The following APBB1 variants were observed in gnomAD, a reference collection of about 807,000 sequenced individuals.
APBB1 encodes amyloid beta precursor protein binding family B member 1.
APBB1 carries 22 observed loss-of-function variants against 78.4 expected under a neutral mutation model. That is an observed-to-expected ratio of 0.28 (90% CI 0.20 to 0.40). APBB1 has a LOEUF of 0.40. Among genes scored for constraint, APBB1 ranks in the 10% least tolerant of loss-of-function variants. The probability of loss-of-function intolerance (pLI) is 1.00; values close to 1 mark genes in which losing one functional copy is unlikely to be tolerated. For synonymous variants in APBB1, 369 were observed against 372.7 expected, an observed-to-expected ratio of 0.99 and a Z score of 0.12; for missense variants, 749 against 932.4, an observed-to-expected ratio of 0.80 and a Z score of 2.56.
chr11:6,405,760 A>T (rs1313099139), intron 2 of APBB1: 13 of 837,470 alleles, frequency 1.6e-5, no homozygotes, highest in African/African-American at 1.8e-5. Flanking sequence ...CCCCTAACTC[A>T]CACTCTATGG....
chr11:6,403,600 C>G lies in APBB1; in HGVS notation c.897+47G>C. ...TGTCCTATCCTACTCCAGCAGCACA[C>G]ACTCCCTCCACCCCTGGCCCAAAAT... On this transcript the variant is annotated intron_variant, in intron 3 of 14. Transcript: ENST00000609360. The surrounding 1 kb of genome is among the most constrained non-coding windows in gnomAD (Gnocchi z 5.3). The G allele has an allele frequency of 2.5e-6, 4 of 1,613,778 alleles. No homozygotes were observed. The highest frequency in any genetic ancestry group is 3.4e-6 in the Non-Finnish European group (4 of 1,179,724).
Position 6,401,434 on chromosome 11 carries a change from G to C in APBB1, c.1504-5C>G, listed in dbSNP as rs773189805. 1 of 1,613,418 alleles carries C rather than the reference G, an allele frequency of 6.2e-7. No individual in the cohort carries two copies. The highest frequency in any genetic ancestry group is 1.1e-5 in the South Asian group (1 of 91,076). On this transcript the variant is annotated splice_polypyrimidine_tract_variant and splice_region_variant and intron_variant, in intron 10 of 14. Transcript: ENST00000609360. The surrounding 1 kb of genome is among the most constrained non-coding windows in gnomAD (Gnocchi z 4.5). ...ATTACGCCGTTCGGCCATGATCTGA[G>C]GAAGGAAGGGAGGCGAGGAGCCAGG...
At chr11:6,418,649 G>C (rs1424235749) in intron 1 of APBB1, among the ~76,000 whole-genome samples, 1 of 151,956 alleles carries the variant, frequency 6.6e-6, no homozygotes, top group Admixed American at 6.5e-5. Context: ...CGGCCTGCCA[G>C]CCCACCCCAC....
chr11:6,395,463 C>T lies in APBB1; in HGVS notation c.*71G>A, dbSNP rs1848156778. 4 of 1,454,944 alleles carry T rather than the reference C, an allele frequency of 2.7e-6. No homozygotes were observed. The African/African-American group carries it at 4.2e-5, about 15-fold the overall frequency. 90.1% of individuals were successfully genotyped at this position (1,454,944 alleles called of 1,614,324 possible). The stretch of plus-strand genomic sequence containing the variant: ...TGAGGCCTAGGAATAGCCTCTAGAC[C>T]CCTCCCTGACCCACACCCTTTAGTT... On this transcript the variant is annotated 3_prime_UTR_variant, in exon 15 of 15. Transcript: ENST00000609360. This position sits in a 1 kb window ranked among gnomAD's most constrained non-coding sequence, Gnocchi z 5.2.
chr11:6,410,081 CAA>C (rs34079231), intron 2 of APBB1, among the ~76,000 whole-genome samples: 5 of 102,914 alleles, frequency 4.9e-5, no homozygotes, highest in Non-Finnish European at 2.1e-5. Context: ...GACTCTGTCT[CAA>C]AAAAAAAAAA....
intron 2 of APBB1, among the ~76,000 whole-genome samples, chr11:6,408,026 G>A (rs531287144): frequency 3.0e-4 from 45 of 152,192 alleles, no homozygotes; most frequent in Middle Eastern, 6.8e-3. Flanking sequence ...TGATCCACCC[G>A]CCTCGGCCTC....
intron 1 of APBB1, among the ~76,000 whole-genome samples, chr11:6,418,780 G>A (rs1268108055): frequency 3.9e-5 from 6 of 152,212 alleles, no homozygotes; most frequent in Admixed American, 2.6e-4. Flanking sequence ...CAGCGGAAGG[G>A]ACGGTGTGAG....
At position 6,402,645 on chromosome 11, in the gene APBB1, G is replaced by A; in HGVS notation, c.1185C>T (p.Asn395=). The change falls in exon 7 of 15, where the codon AAC becomes AAT. Residue 395 remains asparagine, a synonymous_variant. Coordinates refer to ENST00000609360, the MANE Select transcript of APBB1 (RefSeq NM_001164.5). ...LAPGRSSVAV[N]NCIRQLSYHK... ...GGTAAGAGAGCTGACGGATGCAATT[G>A]TTGACTGCCACACTGCTGCGTCCAG... 1 of 1,614,162 alleles carries A rather than the reference G, an allele frequency of 6.2e-7. No individual in the cohort carries two copies. The highest frequency in any genetic ancestry group is 8.5e-7 in the Non-Finnish European group (1 of 1,180,040).
chr11:6,417,372 C>T (rs916189963), intron 1 of APBB1, among the ~76,000 whole-genome samples: 5 of 152,174 alleles, frequency 3.3e-5, no homozygotes, highest in African/African-American at 7.2e-5. Context: ...GTTCTCAAGG[C>T]ACCATACAGC....
At chr11:6,407,341 T>TC (rs985573897) in intron 2 of APBB1, among the ~76,000 whole-genome samples, 4 of 152,034 alleles carry the variant, frequency 2.6e-5, no homozygotes, top group Non-Finnish European at 5.9e-5. Flanking sequence ...AGCAGTACTA[T>TC]CCCCCTACTC....
rs922317370 is a variant in APBB1 at position 6,401,969 on chromosome 11, C to A, written c.1388+8G>T. ...CCAGGTGTAGGAGGGGGAAAATAGG[C>A]ATAGTACCTCTCTCTGGGTCCAGCA... On this transcript the variant is annotated splice_region_variant and intron_variant, in intron 9 of 14. Coordinates refer to ENST00000609360, the MANE Select transcript of APBB1 (RefSeq NM_001164.5). The surrounding 1 kb of genome is among the most constrained non-coding windows in gnomAD (Gnocchi z 4.5). 2 of 1,561,972 alleles carry A rather than the reference C, an allele frequency of 1.3e-6. No individual in the cohort carries two copies.
chr11:6,405,258 C>T, intron 2 of APBB1: 1 of 1,005,440 alleles, frequency 9.9e-7, no homozygotes. Context: ...GTTTCAAGGC[C>T]TTCAGGGATC....
chr11:6,401,532 A>T lies in APBB1; in HGVS notation c.1503+42T>A, dbSNP rs771145873. 2 of 1,614,006 alleles carry T rather than the reference A, an allele frequency of 1.2e-6. No individual in the cohort carries two copies. The highest frequency in any genetic ancestry group is 2.7e-5 in the African/African-American group (2 of 75,038). On this transcript the variant is annotated intron_variant, in intron 10 of 14. Transcript: ENST00000609360. This position sits in a 1 kb window ranked among gnomAD's most constrained non-coding sequence, Gnocchi z 4.5. ...AGTGACCCCACCCACACCCTTGTAG[A>T]GCAAAGGTGGCAACTAGTCCAGGGA... is the stretch of plus-strand genomic sequence containing the variant.
Position 6,403,887 on chromosome 11 carries a change from C to G in APBB1, c.722-65G>C. The G allele has an allele frequency of 6.7e-7, 1 of 1,496,708 alleles. No homozygotes were observed. The allele number at this position is 1,496,708 out of a possible 1,614,324, so 92.7% of individuals were successfully genotyped here. ...AGAGCAGACAGCTGGTGCCTATGCC[C>G]GGTCCCCTCTGAGACCCCATGGTTG... On this transcript the variant is annotated intron_variant, in intron 2 of 14. Transcript: ENST00000609360. The surrounding 1 kb of genome is among the most constrained non-coding windows in gnomAD (Gnocchi z 5.3).
chr11:6,416,333 C>T (rs1246946401), intron 1 of APBB1, among the ~76,000 whole-genome samples: 1 of 152,190 alleles, frequency 6.6e-6, no homozygotes, highest in African/African-American at 2.4e-5. Flanking sequence ...CTTCCTCTTT[C>T]TCATCCTATA....
At chr11:6,412,653 T>A (rs1215406960) in intron 1 of APBB1, among the ~76,000 whole-genome samples, 2 of 152,234 alleles carry the variant, frequency 1.3e-5, no homozygotes, top group African/African-American at 4.8e-5. Context: ...ATTTCCATGT[T>A]GGTGAGGATT....
Position 6,400,873 on chromosome 11 carries a change from G to A in APBB1, c.1672+116C>T, listed in dbSNP as rs561590368. 3.3e-5 allele frequency: 32 copies of A among 960,656 alleles called. 1 individual carries two copies. The South Asian group carries it at 4.2e-4, about 12-fold the overall frequency. The allele number at this position is 960,656 out of a possible 1,614,324, so 59.5% of individuals were successfully genotyped here. A position where few individuals can be genotyped will look rare whatever the true frequency, so the allele number is the denominator to read the frequency against. On this transcript the variant is annotated intron_variant, in intron 12 of 14. Coordinates refer to ENST00000609360, the MANE Select transcript of APBB1 (RefSeq NM_001164.5). ...GGGGAGGTGGGATGCATTTTAAAGG[G>A]TAGGGAGACACCAAGCATGAGGAAG...
intron 1 of APBB1, among the ~76,000 whole-genome samples, chr11:6,418,140 G>A (rs1200727424): frequency 6.6e-6 from 1 of 152,190 alleles, no homozygotes; most frequent in Non-Finnish European, 1.5e-5. Context: ...GAGGAGGAGA[G>A]GAAGCAAATG....
At chr11:6,414,840 C>T (rs1318328157) in intron 1 of APBB1, among the ~76,000 whole-genome samples, 1 of 152,162 alleles carries the variant, frequency 6.6e-6, no homozygotes, top group Non-Finnish European at 1.5e-5. Flanking sequence ...GCAAACCCTT[C>T]TCTGAAGCAG....
Sources: gnomAD v4.1 joint callset for allele counts (sites outside exome capture counted in the v4.1 genomes callset) on GRCh38, gnomAD v4.1.1 for gene constraint, Gnocchi (gnomAD v3.1) non-coding constraint, MANE v1.5 for transcripts, NCBI Gene and HGNC (gene_info 2026-07-23, HGNC 2026-07-21) for gene names.